The following NF1 variants were observed in gnomAD, a reference collection of about 807,000 sequenced individuals.
NF1 encodes the protein neurofibromin 1, also known as neurofibromin.
Under a neutral mutation model 325.7 loss-of-function variants are expected in NF1, and 122 were observed. The ratio of observed to expected loss-of-function variants is 0.37; its 90% CI spans 0.32 to 0.44. The LOEUF (loss-of-function observed/expected upper bound fraction) is 0.44, where lower values mean the gene tolerates loss of function less well. Among genes scored for constraint, NF1 ranks in the 20% least tolerant of loss-of-function variants. NF1 has a pLI of 1.00. For synonymous variants in NF1, 1,091 were observed against 1,186.0 expected (o/e 0.92, Z 1.65); for missense variants, 2,140 against 3,415.4 (o/e 0.63, Z 9.31).
chr17:31,351,442 A>G (rs1217002188), intron 50 of NF1, among the ~76,000 whole-genome samples: 1 of 152,066 alleles, frequency 6.6e-6, no homozygotes, highest in Admixed American at 6.5e-5. Context: ...TTTGAGACAG[A>G]GTCTTGCTCT....
intron 1 of NF1, among the ~76,000 whole-genome samples, chr17:31,134,198 G>GC (rs1278439326): frequency 6.6e-6 from 1 of 152,012 alleles, no homozygotes; most frequent in Non-Finnish European, 1.5e-5. Flanking sequence ...GACTTTTAGA[G>GC]TTATATTTAA....
At chr17:31,309,173 G>T (rs1335075457) in intron 36 of NF1, among the ~76,000 whole-genome samples, 3 of 152,168 alleles carry the variant, frequency 2.0e-5, no homozygotes, top group Non-Finnish European at 4.4e-5. Context: ...TGATTCCAAA[G>T]CATACATTCT....
At chr17:31,153,004 T>C (rs1294888098) in intron 1 of NF1, among the ~76,000 whole-genome samples, 3 of 152,024 alleles carry the variant, frequency 2.0e-5, no homozygotes, top group Non-Finnish European at 2.9e-5. Flanking sequence ...TATTCTTTTT[T>C]TACTTTCATG....
At chr17:31,163,646 T>C (rs1046235125) in intron 4 of NF1, among the ~76,000 whole-genome samples, 1 of 152,218 alleles carries the variant, frequency 6.6e-6, no homozygotes, top group African/African-American at 2.4e-5. Flanking sequence ...GATATTGATA[T>C]GTGCAATTAA....
chr17:31,152,310 A>G (rs1597621550), intron 1 of NF1, among the ~76,000 whole-genome samples: 1 of 151,832 alleles, frequency 6.6e-6, no homozygotes, highest in Admixed American at 6.6e-5. Flanking sequence ...TGGTATGCAC[A>G]TTAAAGATAC....
intron 20 of NF1, 119 bp downstream of exon 20, chr17:31,227,725 A>G: frequency 1.1e-6 from 1 of 884,214 alleles, no homozygotes; most frequent in East Asian, 2.7e-5. Context: ...GAAGACTGAT[A>G]TTTAGTTGTG....
chr17:31,198,257 C>T (rs1229762147), intron 8 of NF1, among the ~76,000 whole-genome samples: 1 of 152,044 alleles, frequency 6.6e-6, no homozygotes, highest in Non-Finnish European at 1.5e-5. Context: ...TTTTGTCTGG[C>T]TTTGGTATCG....
chr17:31,325,464 A>G (rs982126021), intron 36 of NF1, among the ~76,000 whole-genome samples: 2 of 152,220 alleles, frequency 1.3e-5, no homozygotes, highest in Admixed American at 1.3e-4. Flanking sequence ...GGCTAAAACC[A>G]TCTCACTCCA....
rs9900729 is a variant in NF1 at position 31,374,653 on chromosome 17, T to G, written c.*498T>G. 1,306 of 232,554 alleles carry G rather than the reference T, an allele frequency of 5.6e-3. 22 individuals carry two copies. The highest frequency in any genetic ancestry group is 0.028 in the African/African-American group (1,231 of 44,664). 14.4% of individuals were successfully genotyped at this position (232,554 alleles called of 1,614,324 possible). On this transcript the variant is annotated 3_prime_UTR_variant, in exon 58 of 58. Transcript: ENST00000358273. ...TATGTTTAATCTTTTAGCTGTGGAC[T>G]TTTTTTTTAACCGTACAAAACTGAA...
intron 1 of NF1, among the ~76,000 whole-genome samples, chr17:31,099,856 C>T (rs574992840): frequency 6.6e-5 from 10 of 152,100 alleles, no homozygotes; most frequent in African/African-American, 1.4e-4. Context: ...CCACCACGCC[C>T]GGCCATGTGT....
chr17:31,201,858 T>C (rs1002247873), intron 11 of NF1, among the ~76,000 whole-genome samples: 7 of 152,166 alleles, frequency 4.6e-5, no homozygotes, highest in Admixed American at 4.6e-4. Flanking sequence ...ACTTGCCACC[T>C]TACCATTTAA....
At position 31,377,639 on chromosome 17, in the gene NF1, C is replaced by CT. The variant is rs544821342; in HGVS notation, c.*3491dup. Reference sequence around the variant, plus strand: ...TTGTGTATGTACTTCCCCCACCCCCCTTTTTTTAAGTAAAATGTAAATTCA... The same window carrying CT: ...TTGTGTATGTACTTCCCCCACCCCCCTTTTTTTTAAGTAAAATGTAAATTCA... On this transcript the variant is annotated 3_prime_UTR_variant, in exon 58 of 58. Transcript: ENST00000358273. 2.5e-4 allele frequency: 58 copies of CT among 231,706 alleles called. No homozygotes were observed. Among genetic ancestry groups the CT allele is most frequent in the African/African-American group, 1.1e-3 (51 of 45,186 alleles). The allele number at this position is 231,706 out of a possible 1,614,324, so 14.4% of individuals were successfully genotyped here. A position where few individuals can be genotyped will look rare whatever the true frequency, so the allele number is the denominator to read the frequency against.
Position 31,313,355 on chromosome 17 carries a change from T to C in NF1, c.4836-12465T>C, listed in dbSNP as rs189188830. ...TGGAATCTAGTTCTATTTCTAACCC[T>C]TAGCTTTATCTGCCATGGCTATAGT... On this transcript the variant is annotated intron_variant, in intron 36 of 57. Coordinates refer to ENST00000358273, the MANE Select transcript of NF1 (RefSeq NM_001042492.3). Among the ~76,000 whole-genome samples the C allele has an allele frequency of 4.6e-5, 7 of 152,322 alleles. No homozygotes were observed. In the East Asian group the frequency reaches 1.3e-3, roughly 29 times the overall value.
intron 6 of NF1, 72 bp downstream of exon 6, chr17:31,181,561 C>G: frequency 5.5e-6 from 8 of 1,455,178 alleles, no homozygotes; most frequent in Non-Finnish European, 7.7e-6. Flanking sequence ...CATCCTGAAT[C>G]AAAAAGTTAT....
chr17:31,147,778 G>A (rs1916679888), intron 1 of NF1, among the ~76,000 whole-genome samples: 3 of 152,136 alleles, frequency 2.0e-5, no homozygotes, highest in East Asian at 1.9e-4. Flanking sequence ...TTGTCCTCTC[G>A]AAGCTGCAAG....
chr17:31,340,741 TA>T (rs1229433583), intron 47 of NF1, 96 bp downstream of exon 47: 1 of 1,266,254 alleles, frequency 7.9e-7, no homozygotes, highest in African/African-American at 1.5e-5. Context: ...AAGAAGTCCA[TA>T]ACTTAAGTAG....
At chr17:31,150,395 A>G (rs1423945327) in intron 1 of NF1, among the ~76,000 whole-genome samples, 10 of 152,056 alleles carry the variant, frequency 6.6e-5, no homozygotes, top group Admixed American at 6.6e-4. Flanking sequence ...CACCAGTACA[A>G]TTTGTGTTTT....
At chr17:31,143,987 A>G (rs1364529932) in intron 1 of NF1, among the ~76,000 whole-genome samples, 1 of 151,908 alleles carries the variant, frequency 6.6e-6, no homozygotes, top group African/African-American at 2.4e-5. Context: ...ACGCCCAGCT[A>G]ATTTTTGTTG....
intron 5 of NF1, among the ~76,000 whole-genome samples, chr17:31,177,154 G>A (rs140908915): frequency 1.5e-3 from 234 of 152,192 alleles, no homozygotes; most frequent in Middle Eastern, 6.8e-3. Flanking sequence ...ATGTTTTTCC[G>A]TTTGTTTGTG....
Sources: allele counts gnomAD v4.1 joint callset (sites outside exome capture counted in the v4.1 genomes callset), GRCh38; gene constraint gnomAD v4.1.1; transcripts MANE v1.5; gene names NCBI Gene and HGNC (gene_info 2026-07-23, HGNC 2026-07-21).